The following PDE4D variants were observed in gnomAD, a reference collection of about 807,000 sequenced individuals.
PDE4D encodes phosphodiesterase 4D.
A neutral mutation model predicts 87.4 loss-of-function variants in PDE4D; 24 were observed. That is an observed-to-expected ratio of 0.27 (90% CI 0.20 to 0.39). PDE4D has a LOEUF of 0.39. PDE4D is among the 10% of genes least tolerant of loss of function. The pLI is 1.00. For synonymous variants in PDE4D, 384 were observed against 383.2 expected, an observed-to-expected ratio of 1.00 and a Z score of -0.02; for missense variants, 714 against 1,041.0, an observed-to-expected ratio of 0.69 and a Z score of 4.32.
At chr5:59,221,296 T>A (rs1340643360) in intron 1 of PDE4D, among the ~76,000 whole-genome samples, 1 of 152,190 alleles carries the variant, frequency 6.6e-6, no homozygotes, top group African/African-American at 2.4e-5. Context: ...ACATTCTGAT[T>A]AACTTACAGG....
chr5:60,335,484 C>T (rs1202700271), intron 1 of PDE4D, among the ~76,000 whole-genome samples: 4 of 152,168 alleles, frequency 2.6e-5, no homozygotes, highest in African/African-American at 9.7e-5. Context: ...GAGAAAGACA[C>T]TCTTGAGCAG....
At chr5:59,648,345 T>A (rs1742815730) in intron 1 of PDE4D, among the ~76,000 whole-genome samples, 1 of 152,210 alleles carries the variant, frequency 6.6e-6, no homozygotes, top group African/African-American at 2.4e-5. Context: ...CAATAGTTCT[T>A]CAAAATATGA....
chr5:59,211,527 T>C (rs1401657849), intron 2 of PDE4D, among the ~76,000 whole-genome samples: 2 of 152,296 alleles, frequency 1.3e-5, no homozygotes, highest in South Asian at 2.1e-4. Context: ...TTTGCTGTAG[T>C]AGTATAAAGT....
Position 59,688,194 on chromosome 5 carries a change from G to A in PDE4D, c.455+204974C>T, listed in dbSNP as rs1026081300. 5.5e-4 allele frequency among the ~76,000 whole-genome samples: 84 copies of A among 152,244 alleles called. 1 individual carries two copies. The highest frequency in any genetic ancestry group is 1.0e-3 in the Non-Finnish European group (69 of 68,022). Reference sequence around the variant, plus strand: ...AAGTTAACAAGGTTATCCAGGAATTGAACTCAGCTCTGCACCAAGTGGACC... The same window carrying A: ...AAGTTAACAAGGTTATCCAGGAATTAAACTCAGCTCTGCACCAAGTGGACC... On this transcript the variant is annotated intron_variant, in intron 1 of 14. Transcript: ENST00000340635.
At chr5:59,936,475 C>A (rs905733613) in intron 3 of PDE4D, among the ~76,000 whole-genome samples, 7 of 152,150 alleles carry the variant, frequency 4.6e-5, no homozygotes, top group African/African-American at 1.7e-4. Flanking sequence ...AGCACTGCTG[C>A]ACAAAATACT....
At chr5:59,565,761 T>G (rs1820782096) in intron 1 of PDE4D, among the ~76,000 whole-genome samples, 1 of 152,156 alleles carries the variant, frequency 6.6e-6, no homozygotes, top group South Asian at 2.1e-4. Flanking sequence ...AATGCTGAAG[T>G]GCAGCTGTGC....
chr5:59,787,304 T>C (rs377258031), intron 1 of PDE4D, among the ~76,000 whole-genome samples: 23 of 152,330 alleles, frequency 1.5e-4, no homozygotes, highest in African/African-American at 4.8e-4. Context: ...AGAAATTTAG[T>C]TGCCGACATG....
chr5:59,246,473 T>C (rs1758863947), intron 1 of PDE4D, among the ~76,000 whole-genome samples: 1 of 152,134 alleles, frequency 6.6e-6, no homozygotes, highest in African/African-American at 2.4e-5. Context: ...AAATAGACAA[T>C]TATGTATTAG....
intron 1 of PDE4D, among the ~76,000 whole-genome samples, chr5:60,332,385 G>C (rs1266229654): frequency 6.6e-6 from 1 of 152,038 alleles, no homozygotes; most frequent in East Asian, 1.9e-4. Context: ...CTTTATGTCT[G>C]TGTGTGTCCA....
chr5:59,503,215 A>G (rs1407465880), intron 1 of PDE4D, among the ~76,000 whole-genome samples: 1 of 152,128 alleles, frequency 6.6e-6, no homozygotes, highest in South Asian at 2.1e-4. Flanking sequence ...AAAGTGATAA[A>G]AGTTCAGGAG....
intron 1 of PDE4D, chr5:59,587,438 C>T: frequency 2.0e-6 from 2 of 985,148 alleles, no homozygotes; most frequent in Non-Finnish European, 2.4e-6. Context: ...TTCTCATGCC[C>T]AAGCTATACA....
intron 2 of PDE4D, among the ~76,000 whole-genome samples, chr5:59,208,889 T>A (rs1023738057): frequency 6.6e-6 from 1 of 152,140 alleles, no homozygotes; most frequent in Non-Finnish European, 1.5e-5. Flanking sequence ...GCCAATAAAC[T>A]TCTTGAGATT....
At chr5:60,327,962 T>C (rs943415667) in intron 1 of PDE4D, among the ~76,000 whole-genome samples, 1 of 152,276 alleles carries the variant, frequency 6.6e-6, no homozygotes, top group East Asian at 1.9e-4. Context: ...AATATAATTT[T>C]TAAAAACATG....
At chr5:59,377,143 T>C (rs1270791577) in intron 1 of PDE4D, among the ~76,000 whole-genome samples, 3 of 151,900 alleles carry the variant, frequency 2.0e-5, no homozygotes, top group Non-Finnish European at 2.9e-5. Context: ...ACAGGCCAGG[T>C]GTGGTGGCTC....
At chr5:60,323,893 G>T (rs1329272988) in intron 1 of PDE4D, among the ~76,000 whole-genome samples, 1 of 151,002 alleles carries the variant, frequency 6.6e-6, no homozygotes, top group African/African-American at 2.5e-5. Context: ...CCTAGTTAAT[G>T]CCTATTTACT....
At chr5:59,218,338 C>T (rs1031673177) in intron 1 of PDE4D, among the ~76,000 whole-genome samples, 4 of 151,950 alleles carry the variant, frequency 2.6e-5, no homozygotes, top group Admixed American at 6.6e-5. Flanking sequence ...TGAGTAAACA[C>T]CAAATTTGTA....
intron 1 of PDE4D, among the ~76,000 whole-genome samples, chr5:59,762,892 T>TAG (rs1561619300): frequency 8.5e-6 from 1 of 117,960 alleles, no homozygotes; most frequent in Non-Finnish European, 1.8e-5. Flanking sequence ...TATATATATA[T>TAG]AGCTTGCTCT....
At chr5:60,206,462 A>G (rs1583069969) in intron 1 of PDE4D, among the ~76,000 whole-genome samples, 1 of 152,132 alleles carries the variant, frequency 6.6e-6, no homozygotes, top group South Asian at 2.1e-4. Context: ...ATTTCTAAAT[A>G]TTTGCATTTT....
chr5:59,387,891 T>C (rs960821743), intron 1 of PDE4D, among the ~76,000 whole-genome samples: 1 of 152,122 alleles, frequency 6.6e-6, no homozygotes, highest in Admixed American at 6.6e-5. Context: ...TCTCTGGAAC[T>C]TATTCCTCCT....
Sources: allele counts gnomAD v4.1 joint callset (sites outside exome capture counted in the v4.1 genomes callset), GRCh38; gene constraint gnomAD v4.1.1; transcripts MANE v1.5; gene names NCBI Gene and HGNC (gene_info 2026-07-23, HGNC 2026-07-21).